Variants in RORA observed in about 807,000 individuals in gnomAD.
RORA encodes the protein RAR related orphan receptor A.
In RORA, 7 loss-of-function variants were observed where a neutral mutation model predicts 69.5. The ratio of observed to expected loss-of-function variants is 0.10; its 90% CI spans 0.06 to 0.19. The LOEUF (loss-of-function observed/expected upper bound fraction) is 0.19, where lower values mean the gene tolerates loss of function less well. RORA is among the 10% of genes least tolerant of loss of function. The pLI, the probability that RORA is intolerant of heterozygous loss-of-function variation, is 1.00. For synonymous variants in RORA, 261 were observed against 240.8 expected, an observed-to-expected ratio of 1.08 and a Z score of -0.78; for missense variants, 457 against 663.0, an observed-to-expected ratio of 0.69 and a Z score of 3.41.
chr15:60,864,930 C>T (rs1246770882), intron 1 of RORA, among the ~76,000 whole-genome samples: 2 of 152,142 alleles, frequency 1.3e-5, no homozygotes, highest in Admixed American at 1.3e-4. Context: ...TTTGGTATTG[C>T]TAGTATTGTG....
intron 2 of RORA, among the ~76,000 whole-genome samples, chr15:60,594,720 G>T (rs1193272415): frequency 6.6e-6 from 1 of 152,164 alleles, no homozygotes; most frequent in Non-Finnish European, 1.5e-5. Flanking sequence ...GTTATAAGTA[G>T]AATCATTCAT....
chr15:60,551,428 A>G (rs2067224109), intron 2 of RORA, among the ~76,000 whole-genome samples: 1 of 152,126 alleles, frequency 6.6e-6, no homozygotes, highest in Non-Finnish European at 1.5e-5. Context: ...AAAACCTGCC[A>G]TTTCTAAAGT....
At chr15:60,652,711 A>G (rs1489292078) in intron 2 of RORA, among the ~76,000 whole-genome samples, 1 of 152,216 alleles carries the variant, frequency 6.6e-6, no homozygotes, top group Non-Finnish European at 1.5e-5. Flanking sequence ...ATTAGTTGGT[A>G]GAGAATCCCA....
chr15:61,169,107 C>A (rs541461809), intron 1 of RORA, among the ~76,000 whole-genome samples: 1 of 123,220 alleles, frequency 8.1e-6, no homozygotes, highest in Non-Finnish European at 2.0e-5. Flanking sequence ...CTCCTGAAGG[C>A]AGGGCTGGCC....
Position 61,191,145 on chromosome 15 carries a change from T to C in RORA, c.166+37908A>G, listed in dbSNP as rs2079796065. On this transcript the variant is annotated intron_variant, in intron 1 of 10. Transcript: ENST00000335670. The stretch of plus-strand genomic sequence containing the variant: ...TGTATTGAAAGGCTGGCTCCACCGT[T>C]ACGGATTTGGGCAAAGCTCTGAACC... Among the ~76,000 whole-genome samples, 4 of 152,304 alleles carry C rather than the reference T, an allele frequency of 2.6e-5. No individual in the cohort carries two copies. The South Asian group carries it at 8.3e-4, about 32-fold the overall frequency.
chr15:60,538,999 GCACACA>G (rs57764714), intron 2 of RORA, among the ~76,000 whole-genome samples: 18 of 150,014 alleles, frequency 1.2e-4, no homozygotes, highest in East Asian at 4.0e-4. Flanking sequence ...CCTGCCAAAT[GCACACA>G]CACACACACA....
intron 1 of RORA, among the ~76,000 whole-genome samples, chr15:61,159,808 T>C (rs2079478762): frequency 6.6e-6 from 1 of 152,230 alleles, no homozygotes; most frequent in East Asian, 1.9e-4. Flanking sequence ...AAATTCATTT[T>C]GTGAGGTTCA....
intron 1 of RORA, among the ~76,000 whole-genome samples, chr15:61,046,545 G>A (rs16943563): frequency 0.11 from 16,945 of 152,150 alleles, 1,778 homozygotes; most frequent in African/African-American, 0.28. Flanking sequence ...GAGGCGAGCC[G>A]CAGGAAGGGT....
intron 2 of RORA, among the ~76,000 whole-genome samples, chr15:60,568,551 C>T (rs2067782540): frequency 6.6e-6 from 1 of 152,090 alleles, no homozygotes; most frequent in East Asian, 1.9e-4. Flanking sequence ...TCTGACAAGG[C>T]ACTGGGGAAG....
At chr15:60,864,434 G>T (rs1226929747) in intron 1 of RORA, among the ~76,000 whole-genome samples, 5 of 151,202 alleles carry the variant, frequency 3.3e-5, no homozygotes, top group South Asian at 2.1e-4. Context: ...TTTCGATGGG[G>T]ACTTAGTGAC....
intron 2 of RORA, among the ~76,000 whole-genome samples, chr15:60,568,940 G>A (rs1217860082): frequency 3.3e-5 from 2 of 60,470 alleles, no homozygotes; most frequent in African/African-American, 2.2e-4. Context: ...AGATGGTTTT[G>A]CGCTAAAAAA....
chr15:60,900,174 G>C (rs1891347910), intron 1 of RORA, among the ~76,000 whole-genome samples: 1 of 152,196 alleles, frequency 6.6e-6, no homozygotes, highest in South Asian at 2.1e-4. Context: ...AGTCCAAGAT[G>C]GGAAAGGTCA....
intron 1 of RORA, among the ~76,000 whole-genome samples, chr15:61,194,543 GA>G (rs10670983): frequency 1.5e-4 from 21 of 143,484 alleles, no homozygotes; most frequent in African/African-American, 2.6e-4. Flanking sequence ...AGCCTAGGAG[GA>G]AAAAAAAAAA....
chr15:61,055,952 A>T (rs1157821117), intron 1 of RORA, among the ~76,000 whole-genome samples: 1 of 152,204 alleles, frequency 6.6e-6, no homozygotes, highest in Non-Finnish European at 1.5e-5. Context: ...AGTGTTATTG[A>T]AAAGCATGCT....
intron 2 of RORA, among the ~76,000 whole-genome samples, chr15:60,570,047 TGAGATCCTTC>T (rs2067834322): frequency 6.6e-6 from 1 of 152,042 alleles, no homozygotes; most frequent in African/African-American, 2.4e-5. Context: ...AATGTGAGCG[TGAGATCCTTC>T]GACAGAAGGG....
chr15:60,991,228 C>T (rs1047219829), intron 1 of RORA, among the ~76,000 whole-genome samples: 24 of 152,084 alleles, frequency 1.6e-4, no homozygotes, highest in Non-Finnish European at 2.8e-4. Flanking sequence ...AGCCAAAGAC[C>T]AAAGAACAAA....
intron 2 of RORA, among the ~76,000 whole-genome samples, chr15:60,580,891 A>G (rs974907419): frequency 1.3e-5 from 2 of 152,208 alleles, no homozygotes; most frequent in African/African-American, 4.8e-5. Flanking sequence ...TTACATCTGA[A>G]CAACCATGTT....
rs1203999666 is a variant in RORA at position 60,534,041 on chromosome 15, G to A, written c.197-2190C>T. 1.3e-5 allele frequency among the ~76,000 whole-genome samples: 2 copies of A among 152,142 alleles called. No individual in the cohort carries two copies. ...ACAAGAATATGAAGGCCCTGGGCAG[G>A]GCATATTGAGAACAATGAGTAGAAC... On this transcript the variant is annotated intron_variant, in intron 2 of 10. Transcript: ENST00000335670. This position sits in a 1 kb window ranked among gnomAD's most constrained non-coding sequence, Gnocchi z 5.0.
At chr15:60,695,539 G>T (rs907823704) in intron 1 of RORA, among the ~76,000 whole-genome samples, 7 of 151,636 alleles carry the variant, frequency 4.6e-5, no homozygotes, top group Admixed American at 3.9e-4. Context: ...GCTATATGAT[G>T]AAGAGAACGG....
Sources: allele counts gnomAD v4.1 joint callset (sites outside exome capture counted in the v4.1 genomes callset), GRCh38; gene constraint gnomAD v4.1.1; non-coding constraint Gnocchi (gnomAD v3.1); transcripts MANE v1.5; gene names NCBI Gene and HGNC (gene_info 2026-07-23, HGNC 2026-07-21).